The following LIPJ variants were observed in gnomAD, a reference collection of about 807,000 sequenced individuals.
The protein encoded by LIPJ is lipase family member J.
A neutral mutation model predicts 39.8 loss-of-function variants in LIPJ; 33 were observed. The ratio of observed to expected loss-of-function variants is 0.83; its 90% CI spans 0.63 to 1.11. LIPJ has a LOEUF of 1.11. LIPJ is among the 50% of genes least tolerant of loss of function. The pLI is 0.00. For synonymous variants in LIPJ, 128 were observed against 139.2 expected, an observed-to-expected ratio of 0.92 and a Z score of 0.57; for missense variants, 422 against 427.9, an observed-to-expected ratio of 0.99 and a Z score of 0.12.
At chr10:88,606,904 A>G in exon 11 of LIPJ, 3 of 1,527,234 alleles carry the variant, frequency 2.0e-6, no homozygotes, top group East Asian at 2.3e-5. Context: ...AAGACAATCT[A>G]TAAAGAACCA....
intron 8 of LIPJ, among the ~76,000 whole-genome samples, chr10:88,600,505 C>T (rs1851437753): frequency 6.6e-6 from 1 of 152,094 alleles, no homozygotes; most frequent in Admixed American, 6.5e-5. Context: ...ACCTTCATGA[C>T]CATTTTAAAC....
intron 6 of LIPJ, 66 bp downstream of exon 6, chr10:88,594,842 T>C (rs967281674): frequency 5.6e-6 from 4 of 713,634 alleles, no homozygotes; most frequent in Non-Finnish European, 9.0e-6. Context: ...ATATACTTCT[T>C]AAAGTTGTAG....
rs1308894520 is a variant in LIPJ at position 88,591,358 on chromosome 10, T to G, written c.10-20T>G. The stretch of plus-strand genomic sequence containing the variant: ...TGGATAACAATTTTATGCTAAAAGA[T>G]TTGCTTTTTCTTTATCTAGAGCCAG... On this transcript the variant is annotated intron_variant, in intron 3 of 10. Transcript: ENST00000371939. The G allele has an allele frequency of 2.5e-6, 4 of 1,570,324 alleles. No homozygotes were observed. Among genetic ancestry groups the G allele is most frequent in the Non-Finnish European group, 3.4e-6 (4 of 1,160,034 alleles).
intron 4 of LIPJ, chr10:88,593,702 T>C (rs781514981): frequency 1.7e-4 from 59 of 339,754 alleles, no homozygotes; most frequent in Non-Finnish European, 3.7e-5. Flanking sequence ...CTCAGTAAAA[T>C]GTACATATTT....
At chr10:88,590,659 A>C (rs1179973764) in exon 3 of LIPJ, 1 of 1,570,680 alleles carries the variant, frequency 6.4e-7, no homozygotes, top group East Asian at 2.3e-5. Flanking sequence ...GTCTTTCAAA[A>C]TTAAAGATCT....
At chr10:88,613,800 A>ATATATATGTGTGTGTGTG in the LIPJ span, among the ~76,000 whole-genome samples, 2 of 74,154 alleles carry the variant, frequency 2.7e-5, no homozygotes, top group African/African-American at 9.6e-5. Flanking sequence ...ATATATATAT[A>ATATATATGTGTGTGTGTG]TGTGTGTGTG....
upstream of LIPJ, chr10:88,582,982 G>A (rs1371227656): frequency 5.6e-6 from 8 of 1,427,972 alleles, no homozygotes; most frequent in East Asian, 1.0e-4. Context: ...TAGCGTTTTC[G>A]CCTTAGACTT....
intron 2 of LIPJ, among the ~76,000 whole-genome samples, chr10:88,588,330 C>A (rs965744200): frequency 6.6e-6 from 1 of 151,728 alleles, no homozygotes; most frequent in Non-Finnish European, 1.5e-5. Flanking sequence ...TTATTAATAT[C>A]AAATTCAAGT....
At chr10:88,605,398 G>C (rs1176632056) in intron 9 of LIPJ, among the ~76,000 whole-genome samples, 1 of 152,092 alleles carries the variant, frequency 6.6e-6, no homozygotes, top group Non-Finnish European at 1.5e-5. Flanking sequence ...AAGGCCCTGG[G>C]TATATGTACA....
chr10:88,604,271 A>AGACAG (rs1390734967), intron 9 of LIPJ, among the ~76,000 whole-genome samples: 2 of 152,210 alleles, frequency 1.3e-5, no homozygotes, highest in African/African-American at 4.8e-5. Flanking sequence ...ATAATGAGTA[A>AGACAG]GACAGGGATC....
chr10:88,599,307 C>A (rs1405595957), intron 8 of LIPJ, among the ~76,000 whole-genome samples: 1 of 151,834 alleles, frequency 6.6e-6, no homozygotes, highest in Non-Finnish European at 1.5e-5. Context: ...TAACAAATTT[C>A]AAGTATACAG....
At chr10:88,613,800 A>ATATATATATATATGTGTGTGTGTG in the LIPJ span, among the ~76,000 whole-genome samples, 3 of 74,168 alleles carry the variant, frequency 4.0e-5, no homozygotes, top group African/African-American at 4.8e-5. Flanking sequence ...ATATATATAT[A>ATATATATATATATGTGTGTGTGTG]TGTGTGTGTG....
chr10:88,595,282 T>C (rs1256134449), intron 6 of LIPJ, among the ~76,000 whole-genome samples: 1 of 151,724 alleles, frequency 6.6e-6, no homozygotes, highest in Non-Finnish European at 1.5e-5. Context: ...ATCTAATACA[T>C]AACAACTTTA....
chr10:88,615,184 G>T, the LIPJ span, among the ~76,000 whole-genome samples: 1 of 152,102 alleles, frequency 6.6e-6, no homozygotes, highest in Non-Finnish European at 1.5e-5. Flanking sequence ...TTAAAATCAG[G>T]AACTTCAAAG....
chr10:88,600,049 C>T (rs1364441261), intron 8 of LIPJ, among the ~76,000 whole-genome samples: 1 of 151,824 alleles, frequency 6.6e-6, no homozygotes, highest in East Asian at 1.9e-4. Context: ...TGTTACTGCT[C>T]TAAGAAATAT....
downstream of LIPJ, among the ~76,000 whole-genome samples, chr10:88,608,171 A>G (rs145976344): frequency 9.8e-5 from 15 of 152,342 alleles, no homozygotes; most frequent in East Asian, 2.5e-3. Flanking sequence ...TACTCTAGCT[A>G]TCTCCTCAAA....
At position 88,605,583 on chromosome 10, in the gene LIPJ, GC is replaced by G. The variant is rs770499159; in HGVS notation, c.796-48del. ...CATTGCATGCTTAACTTGCTCAGCT[GC>G]CACTGTAATGAACAAATGATATGGT... On this transcript the variant is annotated intron_variant, in intron 9 of 10. Coordinates refer to ENST00000371939, the Ensembl canonical transcript of LIPJ. The G allele has an allele frequency of 9.1e-4, 1,165 of 1,284,800 alleles. 2 individuals are homozygous for G. The highest frequency in any genetic ancestry group is 1.1e-3 in the Non-Finnish European group (983 of 884,526). 79.6% of individuals were successfully genotyped at this position (1,284,800 alleles called of 1,614,324 possible). A position where few individuals can be genotyped will look rare whatever the true frequency, so the allele number is the denominator to read the frequency against.
exon 5 of LIPJ, chr10:88,594,138 C>T: frequency 6.2e-7 from 1 of 1,605,860 alleles, no homozygotes; most frequent in Non-Finnish European, 8.5e-7. Flanking sequence ...GAATTCTGGG[C>T]TTTCAGGTAC....
downstream of LIPJ, among the ~76,000 whole-genome samples, chr10:88,609,759 C>A (rs1340575051): frequency 1.3e-5 from 2 of 151,366 alleles, no homozygotes; most frequent in African/African-American, 4.9e-5. Context: ...ATTAGCTGGG[C>A]GTGGTGGTGT....
Sources: gnomAD v4.1 joint callset for allele counts (sites outside exome capture counted in the v4.1 genomes callset) on GRCh38, gnomAD v4.1.1 for gene constraint, MANE v1.5 for transcripts, NCBI Gene and HGNC (gene_info 2026-07-23, HGNC 2026-07-21) for gene names.